Variants in SLAMF9 observed in about 807,000 individuals in gnomAD.
The protein encoded by SLAMF9 is CD2 family member 10.
SLAMF9 carries 25 observed loss-of-function variants against 30.4 expected under a neutral mutation model. The observed-to-expected ratio is 0.82, with a 90% CI of 0.60 to 1.15. The LOEUF is 1.15. Ranked by LOEUF, SLAMF9 falls within the 50% of genes most tolerant of loss-of-function variation. The pLI, the probability that SLAMF9 is intolerant of heterozygous loss-of-function variation, is 0.00. For synonymous variants in SLAMF9, 129 were observed against 127.2 expected (o/e 1.01, Z -0.09); for missense variants, 344 against 346.1 (o/e 0.99, Z 0.05).
At chr1:159,955,779 A>G (rs192578744), upstream of SLAMF9, among the ~76,000 whole-genome samples, 315 of 152,332 alleles carry the variant, frequency 2.1e-3, 2 homozygotes, top group Middle Eastern at 0.014. Context: ...TATCAAGGAG[A>G]GATATTTAAG....
chr1:159,969,990 G>A, the SLAMF9 span, among the ~76,000 whole-genome samples: 1 of 152,166 alleles, frequency 6.6e-6, no homozygotes, highest in African/African-American at 2.4e-5. Context: ...TGAAGGGGGA[G>A]TGGAGACTGC....
In SLAMF9 at chr1:159,954,133, C is replaced by T. The variant is rs569464243; in HGVS notation, c.5G>A (p.Cys2Tyr). 11 of 1,614,120 alleles carry T rather than the reference C, an allele frequency of 6.8e-6. No individual in the cohort carries two copies. In the African/African-American group the frequency reaches 8.0e-5, roughly 12 times the overall value. The part of the protein sequence containing the change: M[C>Y]AFPWLLLLLL... ...GAGAAGAAGCAGCCAAGGAAAGGCA[C>T]ACATGTCAGCAGCCCCCAGCCCCAG... The change falls in exon 1 of 4, where the codon TGT becomes TAT. Residue 2 changes from cysteine to tyrosine, a missense_variant. Physicochemically the swap from Cys to Tyr is radical, Grantham distance 194. Transcript: ENST00000368093.
At chr1:159,964,294 C>T in the SLAMF9 span, among the ~76,000 whole-genome samples, 2 of 152,106 alleles carry the variant, frequency 1.3e-5, no homozygotes, top group Non-Finnish European at 2.9e-5. Context: ...CAAAGGGTTT[C>T]TTTCCCCCTA....
Position 159,953,487 on chromosome 1 carries a change from A to T in SLAMF9, c.213T>A (p.His71Gln), listed in dbSNP as rs775661022. Residue 71 changes from histidine to glutamine, a missense_variant, in exon 2 of 4, where the codon CAT (histidine) becomes CAA (glutamine). Coordinates refer to ENST00000368093, the MANE Select transcript of SLAMF9 (RefSeq NM_033438.4). ...GATTGGTCACCATGATGGTAGCTGGATGTCCCTCTTTCCCTGGCACCACAG... is the reference window on the plus strand; with the variant it reads ...GATTGGTCACCATGATGGTAGCTGGTTGTCCCTCTTTCCCTGGCACCACAG... ...LATVVPGKEG[H>Q]PATIMVTNPH... is the part of the protein sequence containing the mutation. 28 of 1,614,162 alleles carry T rather than the reference A, an allele frequency of 1.7e-5. No individual in the cohort carries two copies. The highest frequency in any genetic ancestry group is 2.2e-5 in the Non-Finnish European group (26 of 1,180,024).
At chr1:159,973,702 A>G in the SLAMF9 span, 1 of 1,159,630 alleles carries the variant, frequency 8.6e-7, no homozygotes, top group Non-Finnish European at 1.3e-6. Context: ...AGGGGCAGCC[A>G]GAGACAGGGG....
At chr1:159,976,302 C>T in the SLAMF9 span, among the ~76,000 whole-genome samples, 2 of 152,044 alleles carry the variant, frequency 1.3e-5, no homozygotes, top group Non-Finnish European at 2.9e-5. Context: ...AAGGTAGATC[C>T]ATAAATACCT....
the SLAMF9 span, chr1:159,973,754 G>A: frequency 6.3e-7 from 1 of 1,585,412 alleles, no homozygotes; most frequent in East Asian, 2.2e-5. Flanking sequence ...CGGGACCCCT[G>A]AGAGGCACCT....
At chr1:159,972,927 C>T in the SLAMF9 span, 1 of 1,023,338 alleles carries the variant, frequency 9.8e-7, no homozygotes, top group Non-Finnish European at 1.3e-6. Flanking sequence ...CACAACTCCT[C>T]TCCTCCCAGG....
the SLAMF9 span, among the ~76,000 whole-genome samples, chr1:159,964,094 A>T: frequency 6.6e-6 from 1 of 152,036 alleles, no homozygotes; most frequent in Non-Finnish European, 1.5e-5. Context: ...AGACAGAAAC[A>T]CTGATTTGGA....
At position 159,952,565 on chromosome 1, in the gene SLAMF9, A is replaced by C. The variant is rs553262025; in HGVS notation, c.392-31T>G. The C allele has an allele frequency of 2.7e-5, 44 of 1,606,666 alleles. 2 individuals carry two copies. The South Asian group carries it at 4.5e-4, about 16-fold the overall frequency. ...TGAAGGGGAAACACAAAGACCCTCT[A>C]AACAATCAGGGATCGGGTCTGTTTT... On this transcript the variant is annotated intron_variant, in intron 2 of 3. Coordinates refer to ENST00000368093, the MANE Select transcript of SLAMF9 (RefSeq NM_033438.4).
the SLAMF9 span, among the ~76,000 whole-genome samples, chr1:159,959,777 C>T: frequency 6.6e-6 from 1 of 152,216 alleles, no homozygotes; most frequent in African/African-American, 2.4e-5. Flanking sequence ...CTTTCTCAGC[C>T]CTCCATCCAT....
At chr1:159,960,496 C>G in the SLAMF9 span, among the ~76,000 whole-genome samples, 4 of 133,748 alleles carry the variant, frequency 3.0e-5, no homozygotes, top group East Asian at 8.3e-4. Context: ...GACGGAGTTT[C>G]GATCTGTTGC....
At position 159,953,479 on chromosome 1, in the gene SLAMF9, G is replaced by A. The variant is rs1651837172; in HGVS notation, c.221C>T (p.Thr74Ile). ...VVPGKEGHPA[T>I]IMVTNPHYQG... Reference sequence around the variant, plus strand: ...GTAGTGTGGATTGGTCACCATGATGGTAGCTGGATGTCCCTCTTTCCCTGG... The same window carrying A: ...GTAGTGTGGATTGGTCACCATGATGATAGCTGGATGTCCCTCTTTCCCTGG... The change falls in exon 2 of 4, where the codon ACC becomes ATC. Residue 74 changes from threonine (T) to isoleucine (I), a missense_variant. By Grantham distance (89) the Thr-to-Ile change is moderately conservative. Transcript: ENST00000368093. 1.2e-6 allele frequency: 2 copies of A among 1,614,176 alleles called. No homozygotes were observed. The highest frequency in any genetic ancestry group is 2.2e-5 in the East Asian group (1 of 44,872).
chr1:159,953,703 T>G (rs565377410), intron 1 of SLAMF9, 50 bp from the exon 2 acceptor site: 1 of 1,514,944 alleles, frequency 6.6e-7, no homozygotes, highest in East Asian at 2.3e-5. Flanking sequence ...GTCTCTGGGC[T>G]GCTGAACCTG....
chr1:159,973,191 T>C, the SLAMF9 span: 1 of 1,486,640 alleles, frequency 6.7e-7, no homozygotes, highest in Non-Finnish European at 9.4e-7. Context: ...CCTCAGGGGG[T>C]GCAGCTTTGT....
Position 159,951,843 on chromosome 1 carries a change from G to C in SLAMF9, c.688C>G (p.Pro230Ala), listed in dbSNP as rs756933313. 5.9e-5 allele frequency: 96 copies of C among 1,614,018 alleles called. No individual in the cohort carries two copies. The highest frequency in any genetic ancestry group is 7.8e-5 in the Non-Finnish European group (92 of 1,180,000). ...YADPNYASEK[P>A]STAFCLLAKG... ...GCCAGGAGGCAGAAGGCTGTTGAAG[G>C]CTTCTCAGAAGCATAGTTAGGATCT... Residue 230 changes from proline to alanine, a missense_variant, in exon 4 of 4, where the codon CCT becomes GCT. Transcript: ENST00000368093.
the SLAMF9 span, among the ~76,000 whole-genome samples, chr1:159,962,789 G>A: frequency 3.9e-5 from 6 of 152,298 alleles, no homozygotes; most frequent in East Asian, 1.2e-3. Flanking sequence ...AGCAGGTGAG[G>A]TAACTGTGTG....
At position 159,951,597 on chromosome 1, in the gene SLAMF9, T is replaced by C. The variant is rs772440315; in HGVS notation, c.*64A>G. The stretch of plus-strand genomic sequence containing the variant: ...CTCCTTCCCCTGGAAAGAAGAGAGC[T>C]GAGGAAGGATTCTCTGGGTGCTGGG... On this transcript the variant is annotated 3_prime_UTR_variant, in exon 4 of 4. Coordinates refer to ENST00000368093, the MANE Select transcript of SLAMF9 (RefSeq NM_033438.4). The C allele has an allele frequency of 3.9e-5, 58 of 1,502,102 alleles. No homozygotes were observed. Among genetic ancestry groups the C allele is most frequent in the Non-Finnish European group, 4.5e-5 (49 of 1,085,384 alleles). 93.0% of individuals were successfully genotyped at this position (1,502,102 alleles called of 1,614,324 possible). A position where few individuals can be genotyped will look rare whatever the true frequency, so the allele number is the denominator to read the frequency against.
the SLAMF9 span, among the ~76,000 whole-genome samples, chr1:159,970,677 A>C: frequency 7.8e-4 from 119 of 152,306 alleles, no homozygotes; most frequent in African/African-American, 2.6e-3. Flanking sequence ...ATCTTGCGAC[A>C]GTGTGTACAT....
Sources: allele counts gnomAD v4.1 joint callset (sites outside exome capture counted in the v4.1 genomes callset), GRCh38; gene constraint gnomAD v4.1.1; transcripts MANE v1.5; gene names NCBI Gene and HGNC (gene_info 2026-07-23, HGNC 2026-07-21).